BCAT1: variants seen among roughly 807,000 people sequenced by gnomAD.
BCAT1 encodes the protein branched-chain-amino-acid aminotransferase, cytosolic.
A neutral mutation model predicts 52.4 loss-of-function variants in BCAT1; 48 were observed. The observed-to-expected ratio is 0.92, with a 90% CI of 0.73 to 1.16. The LOEUF (loss-of-function observed/expected upper bound fraction) is 1.16. Among genes scored for constraint, BCAT1 ranks in the 50% most tolerant of loss-of-function variants. The probability of loss-of-function intolerance (pLI) is 0.00; values close to 1 mark genes in which losing one functional copy is unlikely to be tolerated. For synonymous variants in BCAT1, 167 were observed against 161.3 expected, an observed-to-expected ratio of 1.04 and a Z score of -0.27; for missense variants, 451 against 457.1, an observed-to-expected ratio of 0.99 and a Z score of 0.12.
intron 1 of BCAT1, among the ~76,000 whole-genome samples, chr12:24,928,486 A>T (rs984307532): frequency 3.3e-5 from 5 of 152,078 alleles, no homozygotes; most frequent in African/African-American, 7.2e-5. Flanking sequence ...GAAATAAAAA[A>T]TAAATTAGCC....
intron 8 of BCAT1, 199 bp downstream of exon 8, chr12:24,836,312 C>T: frequency 5.5e-6 from 3 of 541,050 alleles, no homozygotes; most frequent in Non-Finnish European, 3.3e-6. Flanking sequence ...TTTCTCTCTG[C>T]CCTTGCTATC....
intron 5 of BCAT1, among the ~76,000 whole-genome samples, chr12:24,877,624 C>T (rs554490037): frequency 6.6e-6 from 1 of 152,296 alleles, no homozygotes; most frequent in African/African-American, 2.4e-5. Flanking sequence ...GGGGAACCTC[C>T]ATTCTCACTC....
intron 1 of BCAT1, among the ~76,000 whole-genome samples, chr12:24,919,701 T>G (rs1473876912): frequency 6.6e-6 from 1 of 152,216 alleles, no homozygotes; most frequent in African/African-American, 2.4e-5. Context: ...TTTGCAAGGT[T>G]TGTCTAATTA....
At chr12:24,929,631 T>C (rs752539364) in intron 1 of BCAT1, among the ~76,000 whole-genome samples, 1 of 152,190 alleles carries the variant, frequency 6.6e-6, no homozygotes, top group Non-Finnish European at 1.5e-5. Context: ...ATTCTTCTGA[T>C]GGGGGACTCT....
At chr12:24,920,513 G>C (rs550751568) in intron 1 of BCAT1, among the ~76,000 whole-genome samples, 79 of 152,062 alleles carry the variant, frequency 5.2e-4, no homozygotes, top group Non-Finnish European at 7.5e-4. Flanking sequence ...ATACTAAGAG[G>C]GGCTGTTTCC....
intron 10 of BCAT1, among the ~76,000 whole-genome samples, chr12:24,827,956 T>A (rs61913142): frequency 0.05 from 7,641 of 152,230 alleles, 287 homozygotes; most frequent in Middle Eastern, 0.085. Flanking sequence ...CTCACTATGT[T>A]GCCTAGGCTA....
At chr12:24,932,267 T>G (rs1414063835) in intron 1 of BCAT1, among the ~76,000 whole-genome samples, 1 of 152,168 alleles carries the variant, frequency 6.6e-6, no homozygotes, top group African/African-American at 2.4e-5. Flanking sequence ...AAATCCACAC[T>G]TACCAGGACT....
At chr12:24,910,378 AAAATAAAT>A (rs57340584) in intron 1 of BCAT1, among the ~76,000 whole-genome samples, 5,651 of 146,168 alleles carry the variant, frequency 0.039, 133 homozygotes, top group African/African-American at 0.065. Context: ...CTCTGTCTCA[AAAATAAAT>A]AAATAAATAA....
chr12:24,916,889 A>G (rs562219418), intron 1 of BCAT1, among the ~76,000 whole-genome samples: 2 of 152,342 alleles, frequency 1.3e-5, no homozygotes, highest in South Asian at 4.1e-4. Context: ...GCCAGAAAAT[A>G]AGAACACTAA....
Position 24,815,940 on chromosome 12 carries a change from C to G in BCAT1, c.*2068G>C, listed in dbSNP as rs1939858589. 6.6e-6 allele frequency: 1 copy of G among 152,126 alleles called. No homozygotes were observed. The highest frequency in any genetic ancestry group is 2.1e-4 in the South Asian group (1 of 4,828). 9.4% of individuals were successfully genotyped at this position (152,126 alleles called of 1,614,324 possible). ...CAGTTTAAATTACCTGCAACTTTTTCCTAGACTACTATATGAAGAATGAGG... is the reference window on the plus strand; with the variant it reads ...CAGTTTAAATTACCTGCAACTTTTTGCTAGACTACTATATGAAGAATGAGG... On this transcript the variant is annotated 3_prime_UTR_variant, in exon 11 of 11. Coordinates refer to ENST00000261192, the MANE Select transcript of BCAT1 (RefSeq NM_005504.7).
intron 5 of BCAT1, among the ~76,000 whole-genome samples, chr12:24,859,639 A>G (rs950176593): frequency 3.5e-5 from 5 of 141,216 alleles, no homozygotes; most frequent in African/African-American, 7.7e-5. Context: ...AAAAAAAAAA[A>G]GGATTTTGCT....
intron 1 of BCAT1, among the ~76,000 whole-genome samples, chr12:24,913,683 T>C (rs1206930335): frequency 1.3e-5 from 2 of 152,050 alleles, no homozygotes; most frequent in Non-Finnish European, 2.9e-5. Context: ...GAAATATGAT[T>C]GGACAAAAAA....
intron 10 of BCAT1, 42 bp downstream of exon 10, chr12:24,829,775 AAAAAAG>A (rs200253206): frequency 6.0e-4 from 871 of 1,457,408 alleles, no homozygotes; most frequent in Admixed American, 1.5e-3. Context: ...GGTGACATAA[AAAAAAG>A]AAAAGAAAAG....
At chr12:24,824,923 C>T (rs576269911) in intron 10 of BCAT1, among the ~76,000 whole-genome samples, 3 of 152,142 alleles carry the variant, frequency 2.0e-5, no homozygotes, top group South Asian at 4.2e-4. Context: ...CTCCCCTTCT[C>T]GGCCTCTGGT....
At chr12:24,835,592 T>C (rs532559034) in intron 8 of BCAT1, among the ~76,000 whole-genome samples, 1 of 140,496 alleles carries the variant, frequency 7.1e-6, no homozygotes, top group Non-Finnish European at 1.6e-5. Flanking sequence ...TATTTATTTA[T>C]TTAATTTACT....
rs1328497091 is a variant in BCAT1 at position 24,811,052 on chromosome 12, A to G, written c.*6956T>C. 6.6e-6 allele frequency: 1 copy of G among 152,202 alleles called. No individual in the cohort carries two copies. Among genetic ancestry groups the G allele is most frequent in the Non-Finnish European group, 1.5e-5 (1 of 68,028 alleles). 9.4% of individuals were successfully genotyped at this position (152,202 alleles called of 1,614,324 possible). ...TGGGAAGAGGTAATCTACTCCCCCC[A>G]TTCTGTGCAAATCTCAAACGACAAA... On this transcript the variant is annotated 3_prime_UTR_variant, in exon 11 of 11. Transcript: ENST00000261192.
At chr12:24,837,147 A>AGGAAGAAAGAGAAGGAAGG (rs1591793395) in intron 7 of BCAT1, among the ~76,000 whole-genome samples, 2 of 107,656 alleles carry the variant, frequency 1.9e-5, no homozygotes, top group African/African-American at 5.7e-5. Context: ...GAAGGAAGGA[A>AGGAAGAAAGAGAAGGAAGG]AGTTATCTAA....
At chr12:24,849,503 T>C (rs986734921) in intron 6 of BCAT1, among the ~76,000 whole-genome samples, 2 of 152,216 alleles carry the variant, frequency 1.3e-5, no homozygotes, top group Non-Finnish European at 2.9e-5. Flanking sequence ...CTTACTTCAG[T>C]TCTTCCCTAG....
At chr12:24,914,994 G>A (rs1943386367) in intron 1 of BCAT1, among the ~76,000 whole-genome samples, 1 of 152,140 alleles carries the variant, frequency 6.6e-6, no homozygotes, top group Admixed American at 6.5e-5. Flanking sequence ...CTCTTCTACA[G>A]TCATCCCAAC....
Sources: allele counts gnomAD v4.1 joint callset (sites outside exome capture counted in the v4.1 genomes callset), GRCh38; gene constraint gnomAD v4.1.1; transcripts MANE v1.5; gene names NCBI Gene and HGNC (gene_info 2026-07-23, HGNC 2026-07-21).